The following SYNE2 variants were observed in gnomAD, a reference collection of about 807,000 sequenced individuals.
SYNE2 encodes spectrin repeat containing nuclear envelope protein 2.
Under a neutral mutation model 856.3 loss-of-function variants are expected in SYNE2, and 431 were observed. The observed-to-expected ratio is 0.50, with a 90% CI of 0.47 to 0.55. The LOEUF is 0.55. Ranked by LOEUF, SYNE2 falls within the 20% of genes least tolerant of loss-of-function variation. SYNE2 has a pLI of 0.00. For missense variants in SYNE2, 8,129 were observed against 8,023.2 expected, an observed-to-expected ratio of 1.01 and a Z score of -0.50; for synonymous variants, 2,923 against 2,872.3, an observed-to-expected ratio of 1.02 and a Z score of -0.56.
chr14:63,976,864 T>C (rs2096547257), intron 12 of SYNE2, 137 bp downstream of exon 12: 10 of 922,844 alleles, frequency 1.1e-5, no homozygotes, highest in Admixed American at 4.7e-5. Flanking sequence ...CCTCTGGGGA[T>C]TTTTGGGACC....
chr14:64,224,295 G>T (rs796208476), intron 113 of SYNE2, among the ~76,000 whole-genome samples, 166 bp from the exon 114 acceptor site: 10 of 152,060 alleles, frequency 6.6e-5, no homozygotes, highest in African/African-American at 2.4e-4. Context: ...AGGCTGCAGT[G>T]ACCTGTGATT....
chr14:63,926,147 A>AT (rs1466115912), intron 2 of SYNE2, among the ~76,000 whole-genome samples: 1 of 151,922 alleles, frequency 6.6e-6, no homozygotes, highest in Non-Finnish European at 1.5e-5. Context: ...CCTGGCTAGG[A>AT]TTTTAGAACA....
rs554167074 is a variant in SYNE2, at chr14:63,870,977, C to T, written c.-52+17834C>T. Among the ~76,000 whole-genome samples, 3 of 151,968 alleles carry T rather than the reference C, an allele frequency of 2.0e-5. No homozygotes were observed. The East Asian group carries it at 5.8e-4, about 29-fold the overall frequency. On this transcript the variant is annotated intron_variant, in intron 1 of 115. Transcript: ENST00000555002. ...CAGCTGTTTTTTTCTCATCTACTGT[C>T]ATTTTACTTTTTTAAATTTAAATTT...
Position 63,791,468 on chromosome 14 carries a change from A to T in SYNE2, c.-305+29482A>T, listed in dbSNP as rs375445863. Among the ~76,000 whole-genome samples, 103 of 152,234 alleles carry T rather than the reference A, an allele frequency of 6.8e-4. 1 individual carries two copies. In the South Asian group the frequency reaches 0.016, roughly 24 times the overall value. On this transcript the variant is annotated intron_variant, in intron 1 of 23. Transcript: ENST00000674003. The stretch of plus-strand genomic sequence containing the variant: ...TTGTTGTCTCTTCTGTCACTTCCCT[A>T]TTACATTTTATGCCTATAAATATCT...
chr14:64,215,804 T>G (rs2098663781), intron 107 of SYNE2: 4 of 539,600 alleles, frequency 7.4e-6, no homozygotes, highest in Non-Finnish European at 1.1e-5. Flanking sequence ...TTTCCTTGAT[T>G]TGCAGCTCTA....
rs772308280 is a variant in SYNE2, at chr14:64,219,276, T to C, written c.19726T>C (p.Leu6576=). Reference sequence around the variant, plus strand: ...CAATAAGCTCAAAATAAAACAAAATTTGCAACAGCTGAACTCTGATATCAG... The same window carrying C: ...CAATAAGCTCAAAATAAAACAAAATCTGCAACAGCTGAACTCTGATATCAG... The part of the protein sequence containing the change: ...LHNKLKIKQN[L]QQLNSDISAI... The change falls in exon 110 of 116, where the codon TTG becomes CTG. Residue 6576 remains leucine (L), a synonymous_variant. Coordinates refer to ENST00000555002, the MANE Select transcript of SYNE2 (RefSeq NM_182914.3). 44 of 1,613,850 alleles carry C rather than the reference T, an allele frequency of 2.7e-5. No homozygotes were observed. The highest frequency in any genetic ancestry group is 6.7e-5 in the Admixed American group (4 of 59,994).
At chr14:64,037,999 C>A (rs1163640779) in intron 45 of SYNE2, among the ~76,000 whole-genome samples, 1 of 151,688 alleles carries the variant, frequency 6.6e-6, no homozygotes, top group Non-Finnish European at 1.5e-5. Context: ...CTCCTCACTT[C>A]CCAGACGGGG....
chr14:63,957,640 G>A (rs1441232312), intron 8 of SYNE2, among the ~76,000 whole-genome samples: 5 of 151,812 alleles, frequency 3.3e-5, no homozygotes, highest in South Asian at 2.1e-4. Flanking sequence ...AGTCTGAGGC[G>A]GGCGGATCAT....
intron 1 of SYNE2, among the ~76,000 whole-genome samples, chr14:63,833,386 A>G (rs534901638): frequency 7.4e-4 from 112 of 152,304 alleles, no homozygotes; most frequent in Non-Finnish European, 1.5e-3. Context: ...TTTCTTTCTC[A>G]AATAGATAAT....
chr14:63,978,707 A>G, intron 13 of SYNE2, 145 bp from the exon 14 acceptor site: 1 of 649,796 alleles, frequency 1.5e-6, no homozygotes, highest in Non-Finnish European at 2.6e-6. Context: ...ACAATGTTTA[A>G]AAAAGAAAAA....
chr14:64,216,052 C>A, intron 107 of SYNE2, 196 bp from the exon 108 acceptor site: 1 of 1,492,516 alleles, frequency 6.7e-7, no homozygotes, highest in Non-Finnish European at 8.9e-7. Context: ...GTTGTGTACC[C>A]ATCTAGTGAA....
In SYNE2 at chr14:64,107,362, C is replaced by G. The variant is rs543622355; in HGVS notation, c.12493-129C>G. The G allele has an allele frequency of 7.4e-6, 6 of 809,260 alleles. No individual in the cohort carries two copies. In the East Asian group the frequency reaches 1.5e-4, roughly 20 times the overall value. The allele number at this position is 809,260 out of a possible 1,614,324, so 50.1% of individuals were successfully genotyped here. On this transcript the variant is annotated intron_variant, in intron 64 of 115. Transcript: ENST00000555002. ...CCTAATGAACAAACTTTTTTCTAAT[C>G]GTATCTGACTTCTCCATATCTGACT...
intron 45 of SYNE2, among the ~76,000 whole-genome samples, chr14:64,039,457 A>G (rs978418325): frequency 6.6e-6 from 1 of 152,218 alleles, no homozygotes; most frequent in Non-Finnish European, 1.5e-5. Context: ...TAAAGATCAA[A>G]ATGTCGTGGT....
intron 1 of SYNE2, among the ~76,000 whole-genome samples, chr14:63,773,052 A>G (rs1016555490): frequency 2.6e-5 from 4 of 152,080 alleles, no homozygotes; most frequent in Admixed American, 6.6e-5. Flanking sequence ...TGCTGGGATT[A>G]CAGGCATGAG....
chr14:64,009,688 T>G (rs1450640769), intron 31 of SYNE2, among the ~76,000 whole-genome samples: 2 of 152,194 alleles, frequency 1.3e-5, no homozygotes, highest in Non-Finnish European at 2.9e-5. Flanking sequence ...TGCTGATTCC[T>G]TAGGGTGATG....
chr14:64,040,602 A>ATG (rs925324913), intron 45 of SYNE2, among the ~76,000 whole-genome samples: 7 of 146,782 alleles, frequency 4.8e-5, no homozygotes, highest in Middle Eastern at 3.6e-3. Flanking sequence ...TTAAAAATAT[A>ATG]TATATATATA....
At position 63,961,573 on chromosome 14, in the gene SYNE2, C is replaced by T. The variant is rs774411192; in HGVS notation, c.836C>T (p.Ala279Val). 2 of 1,614,080 alleles carry T rather than the reference C, an allele frequency of 1.2e-6. No homozygotes were observed. Among genetic ancestry groups the T allele is most frequent in the South Asian group, 2.2e-5 (2 of 91,060 alleles). ...GAAAAGTCCATCATGACCTATGTGG[C>T]ACAGTTTCTGCAGTATTCCAAAGAT... ...PDEKSIMTYV[A>V]QFLQYSKDAP... The change falls in exon 9 of 116, where the codon GCA becomes GTA. Residue 279 changes from alanine (A) to valine (V), a missense_variant. Coordinates refer to ENST00000555002, the MANE Select transcript of SYNE2 (RefSeq NM_182914.3).
chr14:63,825,254 C>T lies in SYNE2; in HGVS notation c.-304-27247C>T, dbSNP rs181436538. 6.5e-4 allele frequency among the ~76,000 whole-genome samples: 99 copies of T among 151,694 alleles called. 1 individual carries two copies. The highest frequency in any genetic ancestry group is 3.9e-4 in the East Asian group (2 of 5,160). On this transcript the variant is annotated intron_variant, in intron 1 of 23. Coordinates refer to the SYNE2 transcript ENST00000674003. ...GTATATTTTCATCACTTCCACTCAA[C>T]GTAGCACTGGAGTGAGATCAAAAAA...
At chr14:64,115,961 C>A (rs1193722201) in intron 66 of SYNE2, among the ~76,000 whole-genome samples, 1 of 151,982 alleles carries the variant, frequency 6.6e-6, no homozygotes, top group Non-Finnish European at 1.5e-5. Context: ...TGAGACCAGC[C>A]TGGGCAACAT....
Sources: allele counts gnomAD v4.1 joint callset (sites outside exome capture counted in the v4.1 genomes callset), GRCh38; gene constraint gnomAD v4.1.1; transcripts MANE v1.5; gene names NCBI Gene and HGNC (gene_info 2026-07-23, HGNC 2026-07-21).